Variants in TBC1D5 observed in about 807,000 individuals in gnomAD.
The protein encoded by TBC1D5 is TBC1 domain family member 5, also known as TBC1 domain family, member 5.
In TBC1D5, 75 loss-of-function variants were observed where a neutral mutation model predicts 100.3. The observed-to-expected ratio is 0.75, with a 90% CI of 0.62 to 0.91. The LOEUF is 0.91. Ranked by LOEUF, TBC1D5 falls within the 40% of genes least tolerant of loss-of-function variation. The pLI, the probability that TBC1D5 is intolerant of heterozygous loss-of-function variation, is 0.00. For synonymous variants in TBC1D5, 323 were observed against 325.6 expected (o/e 0.99, Z 0.09); for missense variants, 910 against 942.4 (o/e 0.97, Z 0.45).
At chr3:17,225,869 T>A (rs2074831553) in intron 17 of TBC1D5, among the ~76,000 whole-genome samples, 1 of 152,032 alleles carries the variant, frequency 6.6e-6, no homozygotes, top group African/African-American at 2.4e-5. Context: ...AAACCCAGTA[T>A]AACATAGCAT....
chr3:17,644,510 T>A (rs1261907363), intron 1 of TBC1D5, among the ~76,000 whole-genome samples: 1 of 152,152 alleles, frequency 6.6e-6, no homozygotes, highest in East Asian at 1.9e-4. Flanking sequence ...GCCTGGCACA[T>A]AACAAATATT....
intron 4 of TBC1D5, among the ~76,000 whole-genome samples, chr3:17,407,581 G>A (rs2093806183): frequency 6.6e-6 from 1 of 152,092 alleles, no homozygotes; most frequent in Non-Finnish European, 1.5e-5. Flanking sequence ...TACTTATTTT[G>A]AGAAAGGATA....
intron 1 of TBC1D5, among the ~76,000 whole-genome samples, chr3:17,686,299 T>A (rs980104959): frequency 6.6e-6 from 1 of 152,148 alleles, no homozygotes; most frequent in African/African-American, 2.4e-5. Context: ...AAAGGTTTTA[T>A]CTACCCATAG....
chr3:17,323,664 A>T (rs541332786), intron 13 of TBC1D5, among the ~76,000 whole-genome samples: 32 of 147,994 alleles, frequency 2.2e-4, no homozygotes, highest in Non-Finnish European at 4.1e-4. Context: ...GAAAACTATA[A>T]AAAAAAAGAT....
At chr3:17,259,771 G>A (rs904842587) in intron 15 of TBC1D5, among the ~76,000 whole-genome samples, 3 of 152,032 alleles carry the variant, frequency 2.0e-5, no homozygotes, top group African/African-American at 2.4e-5. Flanking sequence ...TTCATCAAGC[G>A]AACAAGCCGC....
intron 13 of TBC1D5, among the ~76,000 whole-genome samples, chr3:17,345,460 A>T (rs2151517161): frequency 6.6e-6 from 1 of 152,104 alleles, no homozygotes; most frequent in East Asian, 1.9e-4. Flanking sequence ...GAACACTTTT[A>T]CACTGTTGGT....
chr3:17,198,984 T>C (rs1559393939), intron 18 of TBC1D5, among the ~76,000 whole-genome samples: 1 of 152,200 alleles, frequency 6.6e-6, no homozygotes, highest in African/African-American at 2.4e-5. Context: ...CCGGAATCAG[T>C]GTGAATTGCA....
intron 2 of TBC1D5, among the ~76,000 whole-genome samples, chr3:17,621,856 T>C (rs778635275): frequency 6.6e-6 from 1 of 152,212 alleles, no homozygotes; most frequent in Non-Finnish European, 1.5e-5. Flanking sequence ...CAAGGCCAAG[T>C]ACAGAGCCTA....
At chr3:17,552,177 TA>T (rs1301873075) in intron 2 of TBC1D5, among the ~76,000 whole-genome samples, 4 of 151,530 alleles carry the variant, frequency 2.6e-5, no homozygotes, top group Non-Finnish European at 4.4e-5. Context: ...CACAAGGACC[TA>T]TGATCTTAAG....
Position 17,436,502 on chromosome 3 carries a change from A to C in TBC1D5, c.98-7983T>G, listed in dbSNP as rs2094538460. ...TATTGTGGCTTTTTTCTTCTTATCA[A>C]TTAAAGGAGCATTATTTCTGAAAAA... is the stretch of plus-strand genomic sequence containing the variant. On this transcript the variant is annotated intron_variant, in intron 3 of 21. Transcript: ENST00000253692. Among the ~76,000 whole-genome samples, 2 of 152,186 alleles carry C rather than the reference A, an allele frequency of 1.3e-5. 1 individual carries two copies. The highest frequency in any genetic ancestry group is 4.1e-4 in the South Asian group (2 of 4,828).
chr3:17,403,235 T>C (rs1428058970), exon 8 of TBC1D5: 2 of 1,590,140 alleles, frequency 1.3e-6, no homozygotes, highest in Non-Finnish European at 1.7e-6. Context: ...TTGGAAGAAT[T>C]TGTTCCAAAG....
intron 13 of TBC1D5, among the ~76,000 whole-genome samples, chr3:17,312,960 C>T (rs1272918876): frequency 6.6e-6 from 1 of 152,138 alleles, no homozygotes; most frequent in African/African-American, 2.4e-5. Flanking sequence ...ACACACATAC[C>T]TCTTTCAGAT....
In TBC1D5 at chr3:17,685,363, C is replaced by T. The variant is rs550137458; in HGVS notation, c.-101+53980G>A. Among the ~76,000 whole-genome samples, 202 of 151,764 alleles carry T rather than the reference C, an allele frequency of 1.3e-3. 1 individual carries two copies. Among genetic ancestry groups the T allele is most frequent in the Admixed American group, 4.2e-3 (64 of 15,242 alleles). ...AACTTATAAATAATTTAAAGGATGT[C>T]GTGAAGATGTATTAATAATTCATCA... On this transcript the variant is annotated intron_variant, in intron 1 of 21. Transcript: ENST00000253692.
intron 2 of TBC1D5, among the ~76,000 whole-genome samples, chr3:17,620,348 A>G (rs907252042): frequency 2.7e-4 from 41 of 152,222 alleles, no homozygotes; most frequent in African/African-American, 9.6e-4. Context: ...CTGTAAAACT[A>G]CGAAAGTAAG....
At chr3:17,347,277 T>C (rs1291592517) in intron 13 of TBC1D5, among the ~76,000 whole-genome samples, 1 of 152,182 alleles carries the variant, frequency 6.6e-6, no homozygotes, top group East Asian at 1.9e-4. Context: ...TATGAGGGCA[T>C]CTGATATCAA....
intron 13 of TBC1D5, among the ~76,000 whole-genome samples, chr3:17,352,683 C>CAAAA (rs1363926293): frequency 6.3e-5 from 6 of 94,900 alleles, no homozygotes; most frequent in Non-Finnish European, 8.2e-5. Flanking sequence ...AAGCAAAAGG[C>CAAAA]AAAAAAAAAA....
At chr3:17,266,133 T>C (rs1370983498) in intron 15 of TBC1D5, among the ~76,000 whole-genome samples, 4 of 152,178 alleles carry the variant, frequency 2.6e-5, no homozygotes, top group African/African-American at 9.7e-5. Context: ...TTGCCTGTAA[T>C]TAAAGCTGGA....
intron 2 of TBC1D5, among the ~76,000 whole-genome samples, chr3:17,617,362 T>C (rs537258458): frequency 1.3e-5 from 2 of 152,314 alleles, no homozygotes; most frequent in East Asian, 3.9e-4. Context: ...TTATATGTCT[T>C]GGGGTTGCTC....
intron 16 of TBC1D5, 122 bp from the exon 17 acceptor site, chr3:17,238,541 T>C (rs2076060725): frequency 8.6e-7 from 1 of 1,159,028 alleles, no homozygotes; most frequent in Non-Finnish European, 1.2e-6. Context: ...AGACCAGCTA[T>C]ATAAAGTGAG....
Sources: allele counts gnomAD v4.1 joint callset (sites outside exome capture counted in the v4.1 genomes callset), GRCh38; gene constraint gnomAD v4.1.1; transcripts MANE v1.5; gene names NCBI Gene and HGNC (gene_info 2026-07-23, HGNC 2026-07-21).